CCDC102B: variants seen among roughly 807,000 people sequenced by gnomAD.
CCDC102B encodes the protein coiled-coil domain containing 102B, also known as coiled-coil domain-containing protein 102B.
CCDC102B carries 75 observed loss-of-function variants against 57.4 expected under a neutral mutation model. The ratio of observed to expected loss-of-function variants is 1.31; its 90% CI spans 1.08 to 1.58. The LOEUF (loss-of-function observed/expected upper bound fraction) is 1.58. Ranked by LOEUF, CCDC102B falls within the 40% of genes most tolerant of loss-of-function variation. The probability of loss-of-function intolerance (pLI) is 0.00; values close to 1 mark genes in which losing one functional copy is unlikely to be tolerated. For synonymous variants in CCDC102B, 206 were observed against 201.9 expected (o/e 1.02, Z -0.17); for missense variants, 636 against 582.6 (o/e 1.09, Z -0.94).
At chr18:68,764,594 T>A (rs1286681824) in intron 2 of CCDC102B, among the ~76,000 whole-genome samples, 1 of 152,142 alleles carries the variant, frequency 6.6e-6, no homozygotes, top group Non-Finnish European at 1.5e-5. Context: ...GGCTAGCAAA[T>A]TCTTGGTTAT....
At chr18:68,938,438 T>G (rs1231482865) in intron 6 of CCDC102B, among the ~76,000 whole-genome samples, 1 of 151,936 alleles carries the variant, frequency 6.6e-6, no homozygotes, top group African/African-American at 2.4e-5. Context: ...ATTTATACAT[T>G]TTTGCTAATT....
intron 6 of CCDC102B, among the ~76,000 whole-genome samples, chr18:68,958,667 T>C (rs746312405): frequency 1.3e-5 from 2 of 152,292 alleles, no homozygotes; most frequent in Non-Finnish European, 2.9e-5. Flanking sequence ...CTTGATCTTA[T>C]ATGCATGCTT....
intron 6 of CCDC102B, among the ~76,000 whole-genome samples, chr18:68,955,394 A>G (rs542354299): frequency 1.3e-5 from 2 of 152,270 alleles, no homozygotes; most frequent in East Asian, 1.9e-4. Flanking sequence ...GCTATTATTT[A>G]TAGTCTGATT....
intron 6 of CCDC102B, among the ~76,000 whole-genome samples, chr18:68,937,146 AGGGAGTAAAAT>A (rs2049262938): frequency 6.6e-6 from 1 of 152,054 alleles, no homozygotes; most frequent in Admixed American, 6.6e-5. Context: ...TATAACTCAT[AGGGAGTAAAAT>A]TGACCTAACA....
intron 2 of CCDC102B, among the ~76,000 whole-genome samples, chr18:68,749,589 G>A (rs2033765570): frequency 6.6e-6 from 1 of 152,058 alleles, no homozygotes; most frequent in African/African-American, 2.4e-5. Context: ...TCTGTTATTG[G>A]TGTATAAGAA....
At chr18:68,736,381 A>G (rs185907844) in intron 2 of CCDC102B, among the ~76,000 whole-genome samples, 2 of 152,314 alleles carry the variant, frequency 1.3e-5, no homozygotes, top group East Asian at 3.9e-4. Flanking sequence ...TCTTTCTCCA[A>G]CTTGATGGTG....
intron 6 of CCDC102B, 44 bp from the exon 7 acceptor site, chr18:69,010,890 C>T: frequency 1.5e-6 from 2 of 1,373,698 alleles, no homozygotes; most frequent in East Asian, 2.4e-5. Flanking sequence ...CTGATTTTAT[C>T]AGAATAGACT....
At chr18:68,738,148 A>C (rs1267890040) in intron 2 of CCDC102B, among the ~76,000 whole-genome samples, 1 of 152,086 alleles carries the variant, frequency 6.6e-6, no homozygotes, top group African/African-American at 2.4e-5. Context: ...TGGTTCTTGC[A>C]TGCTGTGGGA....
Position 68,952,433 on chromosome 18 carries a change from G to A in CCDC102B, c.1263+55005G>A, listed in dbSNP as rs140248705. On this transcript the variant is annotated intron_variant, in intron 6 of 7. Coordinates refer to ENST00000360242, the MANE Select transcript of CCDC102B (RefSeq NM_024781.3). ...CATTTTACCCAATCATTTTGAATAAGAAATTGGCAAGAATGAGAAGAAATA... is the reference window on the plus strand; with the variant it reads ...CATTTTACCCAATCATTTTGAATAAAAAATTGGCAAGAATGAGAAGAAATA... 7.5e-3 allele frequency among the ~76,000 whole-genome samples: 1,136 copies of A among 152,134 alleles called. 6 individuals are homozygous for A. Among genetic ancestry groups the A allele is most frequent in the Non-Finnish European group, 0.012 (813 of 67,970 alleles).
intron 6 of CCDC102B, among the ~76,000 whole-genome samples, chr18:69,003,124 GTTT>G (rs1258951156): frequency 2.0e-5 from 3 of 152,094 alleles, no homozygotes; most frequent in Admixed American, 2.0e-4. Flanking sequence ...CAAAGATAGT[GTTT>G]TAGGTCTATA....
intron 2 of CCDC102B, chr18:68,717,952 A>G (rs910380721): frequency 7.2e-5 from 11 of 152,336 alleles, no homozygotes; most frequent in African/African-American, 2.6e-4. Flanking sequence ...TAGAGACCTT[A>G]TAAAAGAGAT....
upstream of CCDC102B, among the ~76,000 whole-genome samples, chr18:68,795,763 A>G (rs2035609218): frequency 6.6e-6 from 1 of 152,140 alleles, no homozygotes; most frequent in South Asian, 2.1e-4. Flanking sequence ...CTTCATAGGT[A>G]CAGGAAGTTA....
intron 1 of CCDC102B, among the ~76,000 whole-genome samples, chr18:68,816,459 C>CTTTTTTTTTTTTTT (rs869077830): frequency 9.9e-6 from 1 of 100,588 alleles, no homozygotes; most frequent in Non-Finnish European, 1.8e-5. Context: ...TATTTCCTTT[C>CTTTTTTTTTTTTTT]TTTTTTTTTT....
At chr18:68,784,970 C>A in intron 2 of CCDC102B, among the ~76,000 whole-genome samples, 1 of 118,150 alleles carries the variant, frequency 8.5e-6, no homozygotes, top group African/African-American at 3.1e-5. Flanking sequence ...AATGCTATCC[C>A]TCCCCCCTCC....
At chr18:68,883,695 CATT>C in intron 5 of CCDC102B, among the ~76,000 whole-genome samples, 1 of 152,294 alleles carries the variant, frequency 6.6e-6, no homozygotes, top group East Asian at 1.9e-4. Context: ...GATTTAATGA[CATT>C]GTGCATAAAG....
chr18:69,013,418 G>A (rs1208005279), intron 7 of CCDC102B, among the ~76,000 whole-genome samples: 2 of 152,044 alleles, frequency 1.3e-5, no homozygotes, highest in Non-Finnish European at 1.5e-5. Flanking sequence ...TTACCTCAAC[G>A]GTAAAATGTC....
chr18:68,791,639 T>G (rs1462792716), intron 2 of CCDC102B, among the ~76,000 whole-genome samples: 1 of 60,044 alleles, frequency 1.7e-5, no homozygotes, highest in Non-Finnish European at 4.9e-5. Flanking sequence ...TGTGTGTGTG[T>G]ATGTGAGAAA....
At chr18:69,039,431 T>A (rs1200014218) in intron 7 of CCDC102B, among the ~76,000 whole-genome samples, 2 of 151,936 alleles carry the variant, frequency 1.3e-5, no homozygotes, top group East Asian at 3.9e-4. Flanking sequence ...TTTGCTATTA[T>A]CATAGGTTAC....
At chr18:68,816,926 T>C (rs2144727851) in intron 1 of CCDC102B, among the ~76,000 whole-genome samples, 1 of 152,360 alleles carries the variant, frequency 6.6e-6, no homozygotes, top group South Asian at 2.1e-4. Flanking sequence ...GTTTTTGTAT[T>C]CAAGCTAACT....
Sources: allele counts gnomAD v4.1 joint callset (sites outside exome capture counted in the v4.1 genomes callset), GRCh38; gene constraint gnomAD v4.1.1; transcripts MANE v1.5; gene names NCBI Gene and HGNC (gene_info 2026-07-23, HGNC 2026-07-21).